CEP126: variants seen among roughly 807,000 people sequenced by gnomAD.
CEP126 encodes centrosomal protein of 126 kDa.
In CEP126, 74 loss-of-function variants were observed where a neutral mutation model predicts 107.8. The observed-to-expected ratio is 0.69, with a 90% CI of 0.57 to 0.83. CEP126 has a LOEUF of 0.83. Ranked by LOEUF, CEP126 falls within the 40% of genes least tolerant of loss-of-function variation. The pLI, the probability that CEP126 is intolerant of heterozygous loss-of-function variation, is 0.00. For synonymous variants in CEP126, 449 were observed against 446.0 expected (o/e 1.01, Z -0.08); for missense variants, 1,237 against 1,281.9 (o/e 0.96, Z 0.53).
intron 1 of CEP126, among the ~76,000 whole-genome samples, chr11:101,919,336 T>G (rs1940286208): frequency 6.6e-6 from 1 of 152,182 alleles, no homozygotes; most frequent in African/African-American, 2.4e-5. Context: ...TTAAACAACC[T>G]AACTGGATAA....
At chr11:101,946,986 AT>A (rs1182731700) in intron 3 of CEP126, among the ~76,000 whole-genome samples, 3 of 152,178 alleles carry the variant, frequency 2.0e-5, no homozygotes, top group African/African-American at 7.2e-5. Flanking sequence ...ATCCTTTATG[AT>A]GTGAATATCA....
In CEP126 at chr11:101,998,207, G is replaced by GTACA. The variant is rs1941465383; in HGVS notation, c.*565_*568dup. ...GGTGAAGGGAGGCCTTCCTATGGCTGTACAATTACATCGATTCTTCCAAAT... is the reference window on the plus strand; with the variant it reads ...GGTGAAGGGAGGCCTTCCTATGGCTGTACATACAATTACATCGATTCTTCCAAAT... On this transcript the variant is annotated 3_prime_UTR_variant, in exon 11 of 11. Coordinates refer to ENST00000263468, the MANE Select transcript of CEP126 (RefSeq NM_020802.4). 1 of 152,154 alleles carries GTACA rather than the reference G, an allele frequency of 6.6e-6. No individual in the cohort carries two copies. Among genetic ancestry groups the GTACA allele is most frequent in the South Asian group, 2.1e-4 (1 of 4,812 alleles). The allele number at this position is 152,154 out of a possible 1,614,324, so 9.4% of individuals were successfully genotyped here.
At chr11:101,927,338 A>G (rs1372788288) in intron 2 of CEP126, among the ~76,000 whole-genome samples, 3 of 152,084 alleles carry the variant, frequency 2.0e-5, no homozygotes, top group Non-Finnish European at 4.4e-5. Context: ...ACCAAATTAA[A>G]CTCTTTATTT....
intron 9 of CEP126, among the ~76,000 whole-genome samples, chr11:101,990,381 T>A (rs1441078718): frequency 2.0e-5 from 3 of 152,166 alleles, no homozygotes; most frequent in African/African-American, 7.2e-5. Flanking sequence ...CAGCGTACCT[T>A]CTTGATTGCT....
chr11:101,928,949 A>G (rs1428675190), intron 2 of CEP126, among the ~76,000 whole-genome samples: 2 of 152,218 alleles, frequency 1.3e-5, no homozygotes. Context: ...GAATTGCATT[A>G]TACCTGTATA....
At chr11:101,973,153 A>T (rs865991582) in intron 6 of CEP126, among the ~76,000 whole-genome samples, 1 of 152,362 alleles carries the variant, frequency 6.6e-6, no homozygotes, top group Middle Eastern at 3.4e-3. Context: ...TTGCTGAGCC[A>T]TATGGGATGT....
rs1940706895 is a variant in CEP126, at chr11:101,944,294, A to G, written c.278A>G (p.Glu93Gly). The change falls in exon 3 of 11, where the codon GAA becomes GGA. Residue 93 changes from glutamate to glycine, a missense_variant. Physicochemically the swap from Glu to Gly is moderately conservative, Grantham distance 98. Coordinates refer to ENST00000263468, the MANE Select transcript of CEP126 (RefSeq NM_020802.4). ...KAFEEKRKEQ[E>G]EKEHQIREQI... The stretch of plus-strand genomic sequence containing the variant: ...TTTGAGGAGAAACGAAAAGAACAGG[A>G]AGAAAAAGAACACCAAATTAGAGAA... 8 of 1,606,786 alleles carry G rather than the reference A, an allele frequency of 5.0e-6. No individual in the cohort carries two copies. The highest frequency in any genetic ancestry group is 6.8e-6 in the Non-Finnish European group (8 of 1,177,962).
intron 3 of CEP126, among the ~76,000 whole-genome samples, chr11:101,946,996 C>T (rs1204294972): frequency 1.3e-5 from 2 of 152,128 alleles, no homozygotes; most frequent in Non-Finnish European, 2.9e-5. Context: ...ATGTGAATAT[C>T]AGCAGACTAT....
chr11:101,966,504 T>C (rs117109251), intron 6 of CEP126, among the ~76,000 whole-genome samples: 2,146 of 152,300 alleles, frequency 0.014, 18 homozygotes, highest in Middle Eastern at 0.027. Context: ...TCCAATTAGA[T>C]CCAAGCCATT....
At chr11:101,917,076 G>A (rs1269403157) in intron 1 of CEP126, among the ~76,000 whole-genome samples, 2 of 129,488 alleles carry the variant, frequency 1.5e-5, no homozygotes, top group Non-Finnish European at 3.4e-5. Flanking sequence ...GTGTGTGTGT[G>A]CTGGTTTATA....
intron 6 of CEP126, among the ~76,000 whole-genome samples, chr11:101,967,025 CTTT>C (rs759877416): frequency 9.3e-6 from 1 of 107,080 alleles, no homozygotes; most frequent in Non-Finnish European, 1.8e-5. Context: ...CTCTTTCTTT[CTTT>C]TTTTTTTTTT....
chr11:101,960,843 T>G (rs1940960341), intron 5 of CEP126, among the ~76,000 whole-genome samples: 1 of 152,112 alleles, frequency 6.6e-6, no homozygotes, highest in Admixed American at 6.5e-5. Context: ...TTCAGCATTT[T>G]GACTAGATAT....
intron 2 of CEP126, among the ~76,000 whole-genome samples, chr11:101,929,821 C>T (rs1023523864): frequency 1.3e-5 from 2 of 152,150 alleles, no homozygotes; most frequent in African/African-American, 4.8e-5. Context: ...GAAATCTAAG[C>T]TCTCCATTCA....
chr11:101,979,030 G>T (rs1941225409), intron 7 of CEP126, among the ~76,000 whole-genome samples: 1 of 152,100 alleles, frequency 6.6e-6, no homozygotes, highest in Non-Finnish European at 1.5e-5. Context: ...TACTCAGGAG[G>T]CTGAGGCAGG....
intron 9 of CEP126, among the ~76,000 whole-genome samples, chr11:101,990,317 G>T (rs977995250): frequency 6.6e-6 from 1 of 152,026 alleles, no homozygotes; most frequent in Admixed American, 6.5e-5. Flanking sequence ...GGCATGAAGC[G>T]CCCCCCATAC....
intron 2 of CEP126, among the ~76,000 whole-genome samples, chr11:101,929,979 T>C (rs1940469662): frequency 6.6e-6 from 1 of 151,368 alleles, no homozygotes; most frequent in Non-Finnish European, 1.5e-5. Flanking sequence ...TAGGACTTTT[T>C]TTTTTTTTTT....
chr11:101,964,630 C>T (rs1249572418), intron 6 of CEP126, among the ~76,000 whole-genome samples: 2 of 140,384 alleles, frequency 1.4e-5, no homozygotes, highest in African/African-American at 5.4e-5. Context: ...CAGAGCCAGA[C>T]TCTATCTAAA....
At chr11:101,937,875 CG>C (rs1209098074) in intron 2 of CEP126, among the ~76,000 whole-genome samples, 8 of 151,456 alleles carry the variant, frequency 5.3e-5, no homozygotes, top group African/African-American at 1.9e-4. Flanking sequence ...CCATTTTGGC[CG>C]GGCGCGGTGG....
Position 101,915,238 on chromosome 11 carries a change from T to G in CEP126, c.-47T>G, listed in dbSNP as rs1304650560. ...GAGGAGGAGGAAGCCGGAGCTGCCA[T>G]GAGGGAGGTTCTGGGGGCGAGCAGA... On this transcript the variant is annotated 5_prime_UTR_variant, in exon 1 of 11. An upstream start codon of the reference 5' UTR is lost. Coordinates refer to ENST00000263468, the MANE Select transcript of CEP126 (RefSeq NM_020802.4). The G allele has an allele frequency of 1.2e-6, 2 of 1,607,662 alleles. No individual in the cohort carries two copies. Among genetic ancestry groups the G allele is most frequent in the Middle Eastern group, 1.9e-4 (1 of 5,260 alleles).
Sources: gnomAD v4.1 joint callset for allele counts (sites outside exome capture counted in the v4.1 genomes callset) on GRCh38, gnomAD v4.1.1 for gene constraint, MANE v1.5 for transcripts, NCBI Gene and HGNC (gene_info 2026-07-23, HGNC 2026-07-21) for gene names.